SCN9A: variants seen among roughly 807,000 people sequenced by gnomAD.
SCN9A encodes sodium voltage-gated channel alpha subunit 9, also known as sodium channel protein type 9 subunit alpha.
SCN9A carries 131 observed loss-of-function variants against 187.0 expected under a neutral mutation model. The ratio of observed to expected loss-of-function variants is 0.70; its 90% CI spans 0.61 to 0.81. The LOEUF (loss-of-function observed/expected upper bound fraction) is 0.81, where lower values mean the gene tolerates loss of function less well. SCN9A is among the 30% of genes least tolerant of loss of function. SCN9A has a pLI of 0.00. For missense variants in SCN9A, 2,252 were observed against 2,396.6 expected (o/e 0.94, Z 1.26); for synonymous variants, 809 against 808.6 (o/e 1.00, Z -0.01).
At chr2:166,216,123 TAAG>T (rs1694319911) in intron 24 of SCN9A, among the ~76,000 whole-genome samples, 1 of 151,874 alleles carries the variant, frequency 6.6e-6, no homozygotes, top group African/African-American at 2.4e-5. Flanking sequence ...ATTAACAAAA[TAAG>T]AACAAAAATC....
chr2:166,223,041 A>C (rs1266388507), intron 24 of SCN9A, among the ~76,000 whole-genome samples: 2 of 134,326 alleles, frequency 1.5e-5, no homozygotes, highest in African/African-American at 5.5e-5. Context: ...AAACAAAAAC[A>C]AAAACCACCC....
chr2:166,239,050 C>G (rs1189142526), intron 19 of SCN9A, among the ~76,000 whole-genome samples: 1 of 152,078 alleles, frequency 6.6e-6, no homozygotes, highest in African/African-American at 2.4e-5. Flanking sequence ...GTATGCTCTT[C>G]TGTCTGAGGA....
chr2:166,350,618 T>C (rs1178862034), intron 1 of SCN9A, among the ~76,000 whole-genome samples: 4 of 152,226 alleles, frequency 2.6e-5, no homozygotes, highest in Non-Finnish European at 4.4e-5. Flanking sequence ...CACATTGAAT[T>C]GAGCTCTTAG....
Position 166,198,343 on chromosome 2 carries a change from A to G in SCN9A, c.*329T>C, listed in dbSNP as rs1443969969. 1 of 211,084 alleles carries G rather than the reference A, an allele frequency of 4.7e-6. No homozygotes were observed. The highest frequency in any genetic ancestry group is 9.5e-6 in the Non-Finnish European group (1 of 105,652). 13.1% of individuals were successfully genotyped at this position (211,084 alleles called of 1,614,324 possible). Reference sequence around the variant, plus strand: ...TTTATTTACATGGGAAACAAGACTAATTACAATCCTGTGAAAAGATGACAA... The same window carrying G: ...TTTATTTACATGGGAAACAAGACTAGTTACAATCCTGTGAAAAGATGACAA... On this transcript the variant is annotated 3_prime_UTR_variant, in exon 27 of 27. Coordinates refer to ENST00000642356, the MANE Select transcript of SCN9A (RefSeq NM_001365536.1).
intron 1 of SCN9A, among the ~76,000 whole-genome samples, chr2:166,318,153 G>T (rs1048390192): frequency 6.6e-6 from 1 of 152,078 alleles, no homozygotes; most frequent in African/African-American, 2.4e-5. Flanking sequence ...ATTAAGGTAG[G>T]ACTCCTAGGG....
intron 23 of SCN9A, among the ~76,000 whole-genome samples, chr2:166,227,355 G>T (rs1381159870): frequency 3.3e-5 from 5 of 152,098 alleles, no homozygotes; most frequent in Non-Finnish European, 2.9e-5. Context: ...AGTAGGCATT[G>T]GATGATTGTA....
intron 23 of SCN9A, among the ~76,000 whole-genome samples, chr2:166,227,180 A>G: frequency 6.6e-6 from 1 of 152,198 alleles, no homozygotes; most frequent in Non-Finnish European, 1.5e-5. Context: ...CTTATTTCAC[A>G]TAAACTCATC....
At chr2:166,232,796 A>G (rs1695142989) in intron 21 of SCN9A, among the ~76,000 whole-genome samples, 2 of 148,208 alleles carry the variant, frequency 1.3e-5, no homozygotes, top group African/African-American at 5.0e-5. Flanking sequence ...ATGTACAGTA[A>G]ATGAAATAAT....
intron 1 of SCN9A, among the ~76,000 whole-genome samples, chr2:166,322,949 A>G (rs941735387): frequency 1.3e-5 from 2 of 152,292 alleles, no homozygotes; most frequent in Admixed American, 6.5e-5. Flanking sequence ...ATTTTAAACA[A>G]TACAAGAGTA....
chr2:166,346,488 A>G (rs1699903675), intron 1 of SCN9A, among the ~76,000 whole-genome samples: 1 of 152,172 alleles, frequency 6.6e-6, no homozygotes, highest in African/African-American at 2.4e-5. Context: ...AAAGTACATA[A>G]TACTTGAGCC....
chr2:166,338,981 T>C (rs1699699352), intron 1 of SCN9A, among the ~76,000 whole-genome samples: 1 of 152,160 alleles, frequency 6.6e-6, no homozygotes, highest in Non-Finnish European at 1.5e-5. Flanking sequence ...GTTTTAAAAC[T>C]TTAAAATGCA....
intron 18 of SCN9A, among the ~76,000 whole-genome samples, chr2:166,250,941 A>T (rs1004885064): frequency 1.3e-5 from 2 of 151,960 alleles, no homozygotes; most frequent in Non-Finnish European, 2.9e-5. Context: ...TAGATCATGA[A>T]GTTACTAATA....
chr2:166,347,717 A>G (rs1425286581), intron 1 of SCN9A, among the ~76,000 whole-genome samples: 1 of 152,222 alleles, frequency 6.6e-6, no homozygotes, highest in Non-Finnish European at 1.5e-5. Flanking sequence ...TAATCAATAA[A>G]TGATGACACG....
chr2:166,252,239 A>G (rs1394192062), intron 17 of SCN9A, among the ~76,000 whole-genome samples: 2 of 151,976 alleles, frequency 1.3e-5, no homozygotes, highest in Non-Finnish European at 1.5e-5. Context: ...ATGGACACTG[A>G]CAATCATTAT....
intron 1 of SCN9A, among the ~76,000 whole-genome samples, chr2:166,343,305 A>G (rs1284268163): frequency 6.6e-6 from 1 of 152,172 alleles, no homozygotes; most frequent in Non-Finnish European, 1.5e-5. Context: ...GAGACTTTAC[A>G]TATGTTGATA....
chr2:166,235,057 C>T (rs904854370), intron 20 of SCN9A, among the ~76,000 whole-genome samples: 1 of 152,120 alleles, frequency 6.6e-6, no homozygotes, highest in Non-Finnish European at 1.5e-5. Flanking sequence ...AAAGTTCCCA[C>T]CAGATGTGGA....
Position 166,286,369 on chromosome 2 carries a change from T to C in SCN9A, c.1569A>G (p.Arg523=), listed in dbSNP as rs1361674330. The C allele has an allele frequency of 6.2e-7, 1 of 1,612,746 alleles. No homozygotes were observed. The change falls in exon 11 of 27, where the codon CGA becomes CGG. Residue 523 remains arginine, a synonymous_variant. Transcript: ENST00000642356. ...GGGTAGACAACCTCTTTTCATGTGC[T>C]CGCCTATGCCCTTCGACACCAAGGT... ...SFHLGVEGHR[R]AHEKRLSTPN...
At chr2:166,333,493 GAAGTCCAGCTTAT>G (rs1034880219) in intron 1 of SCN9A, among the ~76,000 whole-genome samples, 4 of 151,988 alleles carry the variant, frequency 2.6e-5, no homozygotes, top group Non-Finnish European at 4.4e-5. Context: ...AGAACATCGT[GAAGTCCAGCTTAT>G]AAGTCCAGCT....
intron 1 of SCN9A, among the ~76,000 whole-genome samples, chr2:166,373,174 A>C (rs956490531): frequency 6.6e-6 from 1 of 152,172 alleles, no homozygotes; most frequent in Non-Finnish European, 1.5e-5. Context: ...CTTAATGAGA[A>C]GAGAATAGGT....
Sources: allele counts gnomAD v4.1 joint callset (sites outside exome capture counted in the v4.1 genomes callset), GRCh38; gene constraint gnomAD v4.1.1; transcripts MANE v1.5; gene names NCBI Gene and HGNC (gene_info 2026-07-23, HGNC 2026-07-21).